Variants in SRI observed in about 807,000 individuals in gnomAD.
The protein encoded by SRI is sorcin.
Under a neutral mutation model 33.3 loss-of-function variants are expected in SRI, and 30 were observed. The observed-to-expected ratio is 0.90, with a 90% confidence interval of 0.67 to 1.22. SRI has a LOEUF of 1.22. Among genes scored for constraint, SRI ranks in the 50% most tolerant of loss-of-function variants. SRI has a pLI of 0.00. For missense variants in SRI, 243 were observed against 250.8 expected, an observed-to-expected ratio of 0.97 and a Z score of 0.21; for synonymous variants, 75 against 89.9, an observed-to-expected ratio of 0.83 and a Z score of 0.94.
At chr7:88,209,313 T>C (rs773008048) in intron 6 of SRI, 26 bp downstream of exon 6, 6 of 1,563,272 alleles carry the variant, frequency 3.8e-6, no homozygotes, top group Non-Finnish European at 5.3e-6. Flanking sequence ...TGGCTTGTGG[T>C]GATGACACGA....
chr7:88,218,504 G>A (rs1851788940), intron 2 of SRI, among the ~76,000 whole-genome samples: 1 of 152,190 alleles, frequency 6.6e-6, no homozygotes, highest in African/African-American at 2.4e-5. Flanking sequence ...TCAACCCAAA[G>A]AAAGTGCCCA....
Position 88,226,370 on chromosome 7 carries a change from C to T in SRI, c.6+539G>A, listed in dbSNP as rs1047201128. ...TTATTGCCCATCCCCATTCGCATCT[C>T]AGTCCCTTTATCCAGCCAATCTTGA... On this transcript the variant is annotated intron_variant, in intron 1 of 7. Transcript: ENST00000394641. Among the ~76,000 whole-genome samples, 8 of 152,280 alleles carry T rather than the reference C, an allele frequency of 5.3e-5. No individual in the cohort carries two copies. The East Asian group carries it at 1.2e-3, about 22-fold the overall frequency.
chr7:88,215,633 TAGGA>T (rs917734045), intron 3 of SRI, among the ~76,000 whole-genome samples: 1 of 152,122 alleles, frequency 6.6e-6, no homozygotes, highest in Non-Finnish European at 1.5e-5. Flanking sequence ...TTCCTCTAAT[TAGGA>T]AAGAGTAATA....
rs1851490683 is a variant in SRI at position 88,208,584 on chromosome 7, A to C, written c.512-19T>G. The C allele has an allele frequency of 3.7e-6, 6 of 1,613,614 alleles. No individual in the cohort carries two copies. The highest frequency in any genetic ancestry group is 4.2e-6 in the Non-Finnish European group (5 of 1,179,734). Reference sequence around the variant, plus strand: ...AAGCTGTCTGTAAAACAACACAGTAAAATTTATGGTTTTTCTTTAAATGGT... The same window carrying C: ...AAGCTGTCTGTAAAACAACACAGTACAATTTATGGTTTTTCTTTAAATGGT... On this transcript the variant is annotated intron_variant, in intron 6 of 7. Coordinates refer to ENST00000265729, the MANE Select transcript of SRI (RefSeq NM_003130.4).
intron 2 of SRI, 40 bp from the exon 3 acceptor site, chr7:88,217,231 T>G: frequency 6.5e-7 from 1 of 1,532,196 alleles, no homozygotes; most frequent in Non-Finnish European, 9.0e-7. Context: ...TAGTGATTTG[T>G]ACTTTCAAGT....
At chr7:88,224,843 A>G (rs1851961709), upstream of SRI, among the ~76,000 whole-genome samples, 1 of 152,242 alleles carries the variant, frequency 6.6e-6, no homozygotes, top group Admixed American at 6.5e-5. Context: ...TTCTGCTACA[A>G]TAGAAATGTT....
intron 3 of SRI, among the ~76,000 whole-genome samples, chr7:88,216,103 G>A (rs1271857668): frequency 6.6e-6 from 1 of 151,896 alleles, no homozygotes; most frequent in Non-Finnish European, 1.5e-5. Flanking sequence ...TCAGCCTCCT[G>A]AGTAGCTGGG....
At chr7:88,219,139 C>T in intron 1 of SRI, 197 bp from the exon 2 acceptor site, 1 of 610,202 alleles carries the variant, frequency 1.6e-6, no homozygotes, top group Non-Finnish European at 2.9e-6. Context: ...AAACTGGCGA[C>T]TTAGACCATA....
chr7:88,210,587 C>T (rs1244423679), intron 4 of SRI: 1 of 398,270 alleles, frequency 2.5e-6, no homozygotes, highest in African/African-American at 2.0e-5. Context: ...TGAAAAATCC[C>T]ATCACTTGCA....
At chr7:88,208,411 T>C in intron 7 of SRI, 96 bp downstream of exon 7, 4 of 1,538,102 alleles carry the variant, frequency 2.6e-6, no homozygotes, top group Non-Finnish European at 3.5e-6. Flanking sequence ...TCTGGCATCC[T>C]TAACCTTAAG....
intron 5 of SRI, among the ~76,000 whole-genome samples, 158 bp from the exon 6 acceptor site, chr7:88,209,610 ATTATTTAT>A (rs1318947772): frequency 6.6e-6 from 1 of 151,968 alleles, no homozygotes; most frequent in African/African-American, 2.4e-5. Flanking sequence ...TCAGGTAGCA[ATTATTTAT>A]TTATTTATTT....
chr7:88,208,638 T>C (rs932489205), intron 6 of SRI, 73 bp from the exon 7 acceptor site: 39 of 1,581,380 alleles, frequency 2.5e-5, no homozygotes, highest in Non-Finnish European at 3.4e-5. Context: ...GTTAGTTATT[T>C]TGGCATTGAA....
At chr7:88,220,326 A>G (rs1358543329), upstream of SRI, among the ~76,000 whole-genome samples, 1 of 150,888 alleles carries the variant, frequency 6.6e-6, no homozygotes, top group Non-Finnish European at 1.5e-5. Flanking sequence ...CTAATGGCAC[A>G]TTCCAACACC....
At chr7:88,212,880 A>G (rs1851612641) in intron 3 of SRI, among the ~76,000 whole-genome samples, 1 of 152,208 alleles carries the variant, frequency 6.6e-6, no homozygotes, top group Admixed American at 6.5e-5. Flanking sequence ...GGTGATGCCA[A>G]TGCTGCTAAA....
rs1447549910 is a variant in SRI, at chr7:88,219,123, A to G, written c.52-181T>C. 6.3e-6 allele frequency: 4 copies of G among 633,684 alleles called. No homozygotes were observed. The East Asian group carries it at 1.1e-4, about 18-fold the overall frequency. The allele number at this position is 633,684 out of a possible 1,614,324, so 39.3% of individuals were successfully genotyped here. On this transcript the variant is annotated intron_variant, in intron 1 of 7. Coordinates refer to ENST00000265729, the MANE Select transcript of SRI (RefSeq NM_003130.4). ...CCCTCTCTTCCATTCACACCCCGTA[A>G]TTTAAAAACTGGCGACTTAGACCAT... is the stretch of plus-strand genomic sequence containing the variant.
At chr7:88,226,265 C>A (rs949110875) in intron 1 of SRI, among the ~76,000 whole-genome samples, 3 of 152,104 alleles carry the variant, frequency 2.0e-5, no homozygotes. Flanking sequence ...TTCTTTAAAG[C>A]CTTCATTGTT....
chr7:88,214,830 A>G (rs555809650), intron 3 of SRI: 1 of 1,238,626 alleles, frequency 8.1e-7, no homozygotes, highest in African/African-American at 1.6e-5. Context: ...TCATTCTACT[A>G]GAATGCCTCA....
At chr7:88,214,741 AAATT>A (rs1851665833) in intron 3 of SRI, 1 of 582,916 alleles carries the variant, frequency 1.7e-6, no homozygotes, top group Non-Finnish European at 2.2e-6. Flanking sequence ...GAAATTATTT[AAATT>A]AAATAATGTT....
chr7:88,210,524 T>C (rs1851550078), intron 4 of SRI: 1 of 384,262 alleles, frequency 2.6e-6, no homozygotes, highest in East Asian at 6.1e-5. Context: ...TGAGGTGGGA[T>C]GGAATGCACT....
Sources: gnomAD v4.1 joint callset for allele counts (sites outside exome capture counted in the v4.1 genomes callset) on GRCh38, gnomAD v4.1.1 for gene constraint, MANE v1.5 for transcripts, NCBI Gene and HGNC (gene_info 2026-07-23, HGNC 2026-07-21) for gene names.